Variants in RBFOX3 observed in about 807,000 individuals in gnomAD.
RBFOX3 encodes the protein RNA binding protein fox-1 homolog 3.
RBFOX3 carries 17 observed loss-of-function variants against 48.7 expected under a neutral mutation model. The ratio of observed to expected loss-of-function variants is 0.35; its 90% confidence interval spans 0.24 to 0.52. The LOEUF is 0.52. RBFOX3 is among the 20% of genes least tolerant of loss of function. The pLI is 0.94. For synonymous variants in RBFOX3, 212 were observed against 209.5 expected (o/e 1.01, Z -0.10); for missense variants, 382 against 497.5 (o/e 0.77, Z 2.21).
rs145692475 is a variant in RBFOX3, at chr17:79,199,667, C to T, written c.-34+36099G>A. 1.9e-4 allele frequency among the ~76,000 whole-genome samples: 29 copies of T among 152,322 alleles called. No individual in the cohort carries two copies. Among genetic ancestry groups the T allele is most frequent in the African/African-American group, 7.0e-4 (29 of 41,578 alleles). On this transcript the variant is annotated intron_variant, in intron 4 of 14. Transcript: ENST00000693108. This position sits in a 1 kb window ranked among gnomAD's most constrained non-coding sequence, Gnocchi z 5.1. Reference sequence around the variant, plus strand: ...CTCCAATAAAAGTGAGGCTCAGTCCCTTTGTTGCATGAGCTTCATTTCCAA... The same window carrying T: ...CTCCAATAAAAGTGAGGCTCAGTCCTTTTGTTGCATGAGCTTCATTTCCAA...
At chr17:79,613,799 C>T (rs1485985176), upstream of RBFOX3, among the ~76,000 whole-genome samples, 12 of 152,146 alleles carry the variant, frequency 7.9e-5, no homozygotes, top group African/African-American at 2.7e-4. Flanking sequence ...CATGGTGAAA[C>T]GCCGTCTCTA....
At position 79,103,293 on chromosome 17, in the gene RBFOX3, AG is replaced by A; in HGVS notation, c.415-40del. The A allele has an allele frequency of 7.2e-7, 1 of 1,395,800 alleles. No homozygotes were observed. 86.5% of individuals were successfully genotyped at this position (1,395,800 alleles called of 1,614,324 possible). ...AGAGGGAAGGACAGGCACGGAGAGGAGGACACAGGGCGAGAAAGAGGAGGAA... is the reference window on the plus strand; with the variant it reads ...AGAGGGAAGGACAGGCACGGAGAGGAGACACAGGGCGAGAAAGAGGAGGAA... On this transcript the variant is annotated intron_variant, in intron 7 of 14. Transcript: ENST00000693108. This position sits in a 1 kb window ranked among gnomAD's most constrained non-coding sequence, Gnocchi z 6.1.
chr17:79,107,330 T>C (rs2077572627), intron 5 of RBFOX3, among the ~76,000 whole-genome samples: 1 of 152,178 alleles, frequency 6.6e-6, no homozygotes, highest in African/African-American at 2.4e-5. Context: ...TCAGAACCTT[T>C]GGGGTTCACC....
rs1026441313 is a variant in RBFOX3, at chr17:79,510,979, C to T, written c.-319-28381G>A. On this transcript the variant is annotated intron_variant, in intron 1 of 14. Coordinates refer to ENST00000693108, the MANE Select transcript of RBFOX3 (RefSeq NM_001350451.2). ...CGAATGCATCCCAGGAGCCAAGAAC[C>T]TCGGCCTCCTTTGTCCAAATAGAAA... 7.4e-4 allele frequency among the ~76,000 whole-genome samples: 112 copies of T among 152,316 alleles called. 1 individual carries two copies. Among genetic ancestry groups the T allele is most frequent in the African/African-American group, 2.3e-3 (96 of 41,556 alleles).
intron 1 of RBFOX3, among the ~76,000 whole-genome samples, chr17:79,539,729 T>C (rs1242425497): frequency 3.3e-5 from 5 of 152,206 alleles, no homozygotes; most frequent in African/African-American, 1.2e-4. Flanking sequence ...AAGAAGCAAA[T>C]ATTTTTATAG....
intron 3 of RBFOX3, among the ~76,000 whole-genome samples, chr17:79,306,913 C>CT (rs1404352205): frequency 2.0e-5 from 3 of 152,226 alleles, no homozygotes; most frequent in Admixed American, 2.0e-4. Context: ...CTCTCCTGGT[C>CT]TGGGGCCCGA....
the RBFOX3 span, among the ~76,000 whole-genome samples, chr17:79,661,652 T>C: frequency 4.6e-5 from 7 of 152,340 alleles, no homozygotes; most frequent in African/African-American, 1.7e-4. Flanking sequence ...CAGGTGTATG[T>C]TCACCTTTAG....
At position 79,573,974 on chromosome 17, in the gene RBFOX3, G is replaced by T. The variant is rs1041857987; in HGVS notation, c.-320+36852C>A. On this transcript the variant is annotated intron_variant, in intron 1 of 14. Coordinates refer to ENST00000693108, the MANE Select transcript of RBFOX3 (RefSeq NM_001350451.2). ...GGAGGAGAAAAACAGAAACTCCAGC[G>T]TCTCCACCCATGAAGAAGGGGTGCG... Among the ~76,000 whole-genome samples the T allele has an allele frequency of 8.5e-4, 129 of 152,308 alleles. 4 individuals are homozygous for T. In the South Asian group the frequency reaches 0.019, roughly 23 times the overall value.
intron 4 of RBFOX3, among the ~76,000 whole-genome samples, chr17:79,146,583 G>A (rs558512492): frequency 6.6e-6 from 1 of 152,256 alleles, no homozygotes; most frequent in African/African-American, 2.4e-5. Context: ...CGGTTCCCAG[G>A]TGTGTGCAAA....
chr17:79,663,052 G>A, the RBFOX3 span, among the ~76,000 whole-genome samples: 15 of 152,282 alleles, frequency 9.9e-5, no homozygotes, highest in Admixed American at 2.0e-4. Flanking sequence ...TGGTTACCCT[G>A]GCATTTCCTA....
intron 2 of RBFOX3, among the ~76,000 whole-genome samples, chr17:79,341,312 T>C (rs1200083190): frequency 6.6e-6 from 1 of 152,252 alleles, no homozygotes; most frequent in Non-Finnish European, 1.5e-5. Flanking sequence ...CATGTGTGTA[T>C]GCATGCACAG....
At chr17:79,601,531 A>T (rs1268382697) in intron 1 of RBFOX3, 2 of 152,228 alleles carry the variant, frequency 1.3e-5, no homozygotes, top group Non-Finnish European at 2.9e-5. Flanking sequence ...AGTTATGATT[A>T]TTACCTAAAG....
At chr17:79,226,420 G>A (rs1409593236) in intron 4 of RBFOX3, among the ~76,000 whole-genome samples, 1 of 152,236 alleles carries the variant, frequency 6.6e-6, no homozygotes, top group African/African-American at 2.4e-5. Flanking sequence ...TGCTCAGCCT[G>A]AGGATTTTGT....
intron 4 of RBFOX3, among the ~76,000 whole-genome samples, chr17:79,219,790 G>T (rs763750204): frequency 6.6e-6 from 1 of 152,072 alleles, no homozygotes; most frequent in Non-Finnish European, 1.5e-5. Flanking sequence ...TTTGGGAAGC[G>T]GGAGGAGTAA....
At chr17:79,260,866 C>T (rs886930218) in intron 3 of RBFOX3, among the ~76,000 whole-genome samples, 4 of 152,254 alleles carry the variant, frequency 2.6e-5, no homozygotes, top group East Asian at 1.9e-4. Flanking sequence ...GGCCGACTGC[C>T]AGACTCTATC....
rs2077095403 is a variant in RBFOX3, at chr17:79,471,793, C to T, written c.-175+10661G>A. Among the ~76,000 whole-genome samples the T allele has an allele frequency of 6.6e-6, 1 of 152,206 alleles. No homozygotes were observed. Among genetic ancestry groups the T allele is most frequent in the African/African-American group, 2.4e-5 (1 of 41,448 alleles). ...GGTTAGCTATCCCAGCCCTATGCAT[C>T]ACTCCTGCATCACACCTAGCGCCCC... On this transcript the variant is annotated intron_variant, in intron 2 of 14. Coordinates refer to ENST00000693108, the MANE Select transcript of RBFOX3 (RefSeq NM_001350451.2). This position sits in a 1 kb window ranked among gnomAD's most constrained non-coding sequence, Gnocchi z 4.0.
Position 79,195,615 on chromosome 17 carries a change from A to C in RBFOX3, c.-34+40151T>G, listed in dbSNP as rs1398224935. Among the ~76,000 whole-genome samples, 2 of 152,008 alleles carry C rather than the reference A, an allele frequency of 1.3e-5. No homozygotes were observed. The highest frequency in any genetic ancestry group is 1.3e-4 in the Admixed American group (2 of 15,252). ...TGATATCTGAGACTGGGGCCTCCTTATTTTGTCCTACCATTGCAGCTGTGC... is the reference window on the plus strand; with the variant it reads ...TGATATCTGAGACTGGGGCCTCCTTCTTTTGTCCTACCATTGCAGCTGTGC... On this transcript the variant is annotated intron_variant, in intron 4 of 14. Coordinates refer to ENST00000693108, the MANE Select transcript of RBFOX3 (RefSeq NM_001350451.2). This position sits in a 1 kb window ranked among gnomAD's most constrained non-coding sequence, Gnocchi z 5.3.
At chr17:79,256,748 T>C (rs776018671) in intron 3 of RBFOX3, among the ~76,000 whole-genome samples, 1 of 151,718 alleles carries the variant, frequency 6.6e-6, no homozygotes, top group African/African-American at 2.4e-5. Context: ...AGAAAACCCA[T>C]CTCCACTAAA....
At chr17:79,455,247 G>A (rs1326505585) in intron 2 of RBFOX3, among the ~76,000 whole-genome samples, 3 of 152,196 alleles carry the variant, frequency 2.0e-5, no homozygotes, top group Non-Finnish European at 4.4e-5. Flanking sequence ...ATCCAAAGAC[G>A]CGCAGGCTAC....
Sources: allele counts gnomAD v4.1 joint callset (sites outside exome capture counted in the v4.1 genomes callset), GRCh38; gene constraint gnomAD v4.1.1; non-coding constraint Gnocchi (gnomAD v3.1); transcripts MANE v1.5; gene names NCBI Gene and HGNC (gene_info 2026-07-23, HGNC 2026-07-21).